The following CALN1 variants were observed in gnomAD, a reference collection of about 807,000 sequenced individuals.
The protein encoded by CALN1 is calneuron 1.
Under a neutral mutation model 30.6 loss-of-function variants are expected in CALN1, and 17 were observed. The ratio of observed to expected loss-of-function variants is 0.56; its 90% CI spans 0.38 to 0.83. The LOEUF is 0.83. CALN1 is among the 40% of genes least tolerant of loss of function. The pLI is 0.00. For synonymous variants in CALN1, 156 were observed against 131.4 expected (o/e 1.19, Z -1.28); for missense variants, 291 against 354.9 (o/e 0.82, Z 1.45).
chr7:72,309,309 G>A lies in CALN1; in HGVS notation c.120-30499C>T, dbSNP rs1419225591. On this transcript the variant is annotated intron_variant, in intron 2 of 6. Coordinates refer to ENST00000395275, the MANE Select transcript of CALN1 (RefSeq NM_031468.4). ...CTTTCTGAAGTCACATTCTGAGCCA[G>A]GGCCTCCACTCTTTGAAACATACAC... Among the ~76,000 whole-genome samples the A allele has an allele frequency of 5.3e-5, 8 of 152,250 alleles. No individual in the cohort carries two copies. The South Asian group carries it at 1.7e-3, about 32-fold the overall frequency.
At chr7:71,957,424 TA>T (rs1797015228) in intron 5 of CALN1, among the ~76,000 whole-genome samples, 1 of 152,158 alleles carries the variant, frequency 6.6e-6, no homozygotes, top group South Asian at 2.1e-4. Context: ...CTTTTCGTAG[TA>T]AGCAACTCAG....
chr7:72,013,488 C>G (rs1246203985), intron 5 of CALN1, among the ~76,000 whole-genome samples: 1 of 151,930 alleles, frequency 6.6e-6, no homozygotes, highest in Non-Finnish European at 1.5e-5. Flanking sequence ...CTGGGCTCAA[C>G]TGATCCTCCT....
intron 4 of CALN1, among the ~76,000 whole-genome samples, chr7:72,104,654 AACCCAAAATAAT>A (rs1359482745): frequency 2.0e-5 from 3 of 152,132 alleles, no homozygotes; most frequent in Non-Finnish European, 4.4e-5. Flanking sequence ...GGTATCTTGG[AACCCAAAATAAT>A]ACACAATTTA....
intron 4 of CALN1, among the ~76,000 whole-genome samples, chr7:72,102,589 T>C (rs977242926): frequency 1.3e-5 from 2 of 152,102 alleles, no homozygotes; most frequent in Non-Finnish European, 2.9e-5. Context: ...AATGAAGTCA[T>C]GATAAATGCT....
intron 4 of CALN1, among the ~76,000 whole-genome samples, chr7:72,090,310 A>AG (rs1317894189): frequency 2.0e-5 from 3 of 152,230 alleles, no homozygotes; most frequent in African/African-American, 7.2e-5. Context: ...AAGAAAGGAG[A>AG]AAAGTAAAAT....
intron 5 of CALN1, among the ~76,000 whole-genome samples, chr7:71,816,544 G>C (rs1788274569): frequency 6.6e-6 from 1 of 152,190 alleles, no homozygotes; most frequent in African/African-American, 2.4e-5. Flanking sequence ...CACTTGAAGA[G>C]TGTGGTGCCT....
intron 5 of CALN1, among the ~76,000 whole-genome samples, chr7:72,012,667 C>T (rs1431553039): frequency 2.6e-5 from 4 of 152,236 alleles, no homozygotes; most frequent in African/African-American, 9.6e-5. Context: ...CTGCCTTGCG[C>T]CTCCTGCAGC....
intron 3 of CALN1, among the ~76,000 whole-genome samples, chr7:72,274,734 G>A (rs1323770861): frequency 1.3e-5 from 2 of 152,076 alleles, no homozygotes; most frequent in South Asian, 2.1e-4. Flanking sequence ...CTACTACCTA[G>A]AAGGCATTTC....
chr7:71,892,635 C>A (rs1349791806), intron 5 of CALN1, among the ~76,000 whole-genome samples: 8 of 152,064 alleles, frequency 5.3e-5, no homozygotes, highest in Non-Finnish European at 1.0e-4. Context: ...CAAAAAAAAT[C>A]CAAATTATTT....
At position 72,376,131 on chromosome 7, in the gene CALN1, T is replaced by C. The variant is rs1265646109; in HGVS notation, c.119+27120A>G. On this transcript the variant is annotated intron_variant, in intron 2 of 6. Coordinates refer to ENST00000395275, the MANE Select transcript of CALN1 (RefSeq NM_031468.4). ...TATGGATTATATCATCTTCTGTTTA[T>C]CCATTCATCAGTTGATGGACATTTG... Among the ~76,000 whole-genome samples, 3 of 152,066 alleles carry C rather than the reference T, an allele frequency of 2.0e-5. 1 individual carries two copies. The highest frequency in any genetic ancestry group is 4.1e-4 in the South Asian group (2 of 4,832).
chr7:71,923,146 C>T (rs1795067438), intron 5 of CALN1, among the ~76,000 whole-genome samples: 1 of 152,026 alleles, frequency 6.6e-6, no homozygotes, highest in African/African-American at 2.4e-5. Context: ...GGCTGCTGTT[C>T]TTTGTTGGTA....
chr7:72,372,022 G>A (rs1467143586), intron 2 of CALN1, among the ~76,000 whole-genome samples: 1 of 152,168 alleles, frequency 6.6e-6, no homozygotes, highest in African/African-American at 2.4e-5. Flanking sequence ...TTCTGAGATT[G>A]AATTCAATAT....
chr7:72,457,589 G>A, the CALN1 span, among the ~76,000 whole-genome samples: 18 of 152,026 alleles, frequency 1.2e-4, no homozygotes, highest in Admixed American at 8.5e-4. Context: ...ACCTTATCCC[G>A]AGTATCACCT....
chr7:72,295,924 G>A (rs1798823042), intron 2 of CALN1, among the ~76,000 whole-genome samples: 1 of 151,838 alleles, frequency 6.6e-6, no homozygotes, highest in Non-Finnish European at 1.5e-5. Context: ...GTGAGAGAGG[G>A]CATCCCTGTC....
intron 6 of CALN1, among the ~76,000 whole-genome samples, chr7:71,802,318 T>C (rs1337057983): frequency 6.6e-6 from 1 of 152,160 alleles, no homozygotes; most frequent in Admixed American, 6.5e-5. Context: ...GCTTATGATC[T>C]CTAAAACCAA....
At chr7:72,270,392 T>G (rs1796898706) in intron 3 of CALN1, among the ~76,000 whole-genome samples, 1 of 152,184 alleles carries the variant, frequency 6.6e-6, no homozygotes, top group South Asian at 2.1e-4. Flanking sequence ...CAAAAACCTC[T>G]GTGGATTTGA....
At chr7:71,887,191 T>C (rs1792962155) in intron 5 of CALN1, among the ~76,000 whole-genome samples, 1 of 152,208 alleles carries the variant, frequency 6.6e-6, no homozygotes, top group South Asian at 2.1e-4. Flanking sequence ...GATACAGTTC[T>C]GCTCATCAGG....
At position 71,781,377 on chromosome 7, in the gene CALN1, G is replaced by T. The variant is rs1792704755; in HGVS notation, c.*6398C>A. Reference sequence around the variant, plus strand: ...CTGAGAGCCCTGAGAGAGGCATTCTGGGCTTGACAGATGTCAGCATCCTCC... The same window carrying T: ...CTGAGAGCCCTGAGAGAGGCATTCTTGGCTTGACAGATGTCAGCATCCTCC... On this transcript the variant is annotated 3_prime_UTR_variant, in exon 7 of 7. Transcript: ENST00000395275. The T allele has an allele frequency of 6.6e-6, 1 of 152,266 alleles. No individual in the cohort carries two copies. The highest frequency in any genetic ancestry group is 2.4e-5 in the African/African-American group (1 of 41,442). 9.4% of individuals were successfully genotyped at this position (152,266 alleles called of 1,614,324 possible).
chr7:72,215,324 TG>T (rs1255205512), intron 3 of CALN1, among the ~76,000 whole-genome samples: 4 of 152,200 alleles, frequency 2.6e-5, no homozygotes, highest in Non-Finnish European at 2.9e-5. Context: ...CCAGAGGCAG[TG>T]GCTCACGCCT....
Sources: gnomAD v4.1 joint callset for allele counts (sites outside exome capture counted in the v4.1 genomes callset) on GRCh38, gnomAD v4.1.1 for gene constraint, MANE v1.5 for transcripts, NCBI Gene and HGNC (gene_info 2026-07-23, HGNC 2026-07-21) for gene names.